GLT1D1: variants seen among roughly 807,000 people sequenced by gnomAD.
GLT1D1 encodes the protein glycosyltransferase 1 domain containing 1, also known as glycosyltransferase 1 domain-containing protein 1.
In GLT1D1, 21 loss-of-function variants were observed where a neutral mutation model predicts 28.7. The ratio of observed to expected loss-of-function variants is 0.73; its 90% CI spans 0.52 to 1.05. The LOEUF (loss-of-function observed/expected upper bound fraction) is 1.05, where lower values mean the gene tolerates loss of function less well. GLT1D1 is among the 50% of genes least tolerant of loss of function. The pLI is 0.00. For synonymous variants in GLT1D1, 147 were observed against 124.8 expected, an observed-to-expected ratio of 1.18 and a Z score of -1.19; for missense variants, 343 against 330.6, an observed-to-expected ratio of 1.04 and a Z score of -0.29.
chr12:128,898,564 A>C (rs1222690816), intron 3 of GLT1D1, among the ~76,000 whole-genome samples: 1 of 152,218 alleles, frequency 6.6e-6, no homozygotes, highest in Non-Finnish European at 1.5e-5. Context: ...ATTTCAATAG[A>C]AATCCACTTC....
chr12:128,899,934 A>C (rs1870061698), intron 4 of GLT1D1, among the ~76,000 whole-genome samples: 1 of 152,162 alleles, frequency 6.6e-6, no homozygotes, highest in Admixed American at 6.5e-5. Context: ...CATGAGAGTA[A>C]CAATCTCTTA....
intron 3 of GLT1D1, among the ~76,000 whole-genome samples, chr12:128,892,135 A>G (rs1057256098): frequency 6.6e-6 from 1 of 152,198 alleles, no homozygotes; most frequent in African/African-American, 2.4e-5. Flanking sequence ...AATCAGATAT[A>G]CATTTATCTC....
At chr12:128,889,422 G>A (rs1048603523) in intron 3 of GLT1D1, among the ~76,000 whole-genome samples, 2 of 152,204 alleles carry the variant, frequency 1.3e-5, no homozygotes, top group East Asian at 3.9e-4. Flanking sequence ...CTCTAAGTGG[G>A]GCTTCTTACA....
chr12:128,947,002 GA>G (rs1034973228), intron 5 of GLT1D1, among the ~76,000 whole-genome samples: 2 of 151,952 alleles, frequency 1.3e-5, no homozygotes, highest in African/African-American at 4.8e-5. Context: ...AGAATTATTT[GA>G]AAAAAAGTTG....
intron 4 of GLT1D1, among the ~76,000 whole-genome samples, chr12:128,905,344 C>T (rs1266784011): frequency 1.3e-5 from 2 of 152,192 alleles, no homozygotes; most frequent in African/African-American, 2.4e-5. Context: ...CCACGTGTGG[C>T]GAGGGCTGTT....
rs187887189 is a variant in GLT1D1 at position 128,908,806 on chromosome 12, G to T, written c.375+9519G>T. Among the ~76,000 whole-genome samples, 386 of 152,118 alleles carry T rather than the reference G, an allele frequency of 2.5e-3. 1 individual carries two copies. The highest frequency in any genetic ancestry group is 8.9e-3 in the African/African-American group (369 of 41,510). On this transcript the variant is annotated intron_variant, in intron 4 of 7. Transcript: ENST00000281703. ...CTACTAAAAATACAAAAAATTAGCC[G>T]GGCGTGGTGACGGGCGCCTGTAGTC...
chr12:128,923,236 G>A (rs10847718), intron 4 of GLT1D1, among the ~76,000 whole-genome samples: 44,978 of 152,090 alleles, frequency 0.3, 6,808 homozygotes, highest in Non-Finnish European at 0.33. Flanking sequence ...AATAATGGAC[G>A]AATGCCTGTG....
At chr12:128,862,660 G>A (rs1956410613) in intron 1 of GLT1D1, among the ~76,000 whole-genome samples, 1 of 152,154 alleles carries the variant, frequency 6.6e-6, no homozygotes, top group Non-Finnish European at 1.5e-5. Context: ...CAAAAAGAAA[G>A]TTGTTAATAT....
At chr12:128,974,589 T>C (rs1879587471) in intron 7 of GLT1D1, among the ~76,000 whole-genome samples, 1 of 152,208 alleles carries the variant, frequency 6.6e-6, no homozygotes, top group African/African-American at 2.4e-5. Context: ...CTCTTTTTCG[T>C]GAGTTTGGTG....
At chr12:128,965,854 C>G (rs891716282) in intron 7 of GLT1D1, among the ~76,000 whole-genome samples, 1 of 148,378 alleles carries the variant, frequency 6.7e-6, no homozygotes, top group Admixed American at 6.8e-5. Context: ...GAGATCTTGC[C>G]ACTGCACTCC....
chr12:128,905,129 G>T (rs1034536210), intron 4 of GLT1D1, among the ~76,000 whole-genome samples: 1 of 152,188 alleles, frequency 6.6e-6, no homozygotes, highest in Non-Finnish European at 1.5e-5. Context: ...TTTCCCAGAA[G>T]CTAAGGGTGC....
intron 7 of GLT1D1, among the ~76,000 whole-genome samples, chr12:128,980,741 G>A (rs1388110915): frequency 6.6e-6 from 1 of 152,218 alleles, no homozygotes; most frequent in Non-Finnish European, 1.5e-5. Flanking sequence ...GGCTTTTGAA[G>A]CTTTGTGTGG....
rs543907144 is a variant in GLT1D1, at chr12:128,916,016, A to G, written c.375+16729A>G. 9.1e-4 allele frequency among the ~76,000 whole-genome samples: 139 copies of G among 152,210 alleles called. 1 individual carries two copies. The highest frequency in any genetic ancestry group is 3.2e-3 in the African/African-American group (132 of 41,468). ...AGAAAGTTCTCTCATGCCCTCTTCC[A>G]TATTTAATTTCTGTCTCTTTATAGG... On this transcript the variant is annotated intron_variant, in intron 4 of 7. Transcript: ENST00000281703.
intron 1 of GLT1D1, among the ~76,000 whole-genome samples, chr12:128,870,291 A>T (rs1956649640): frequency 6.6e-6 from 1 of 152,146 alleles, no homozygotes; most frequent in South Asian, 2.1e-4. Flanking sequence ...AAAAAACAAA[A>T]CCAAAACACA....
At chr12:128,875,763 G>A in intron 1 of GLT1D1, 151 bp from the exon 2 acceptor site, 1 of 740,752 alleles carries the variant, frequency 1.3e-6, no homozygotes. Flanking sequence ...CTGCACCATT[G>A]CTCCCCAGCC....
At chr12:128,864,174 C>T (rs1196715563) in intron 1 of GLT1D1, 1 of 684,640 alleles carries the variant, frequency 1.5e-6, no homozygotes, top group African/African-American at 1.8e-5. Flanking sequence ...TGTCAGACGA[C>T]ACACTGTAAG....
intron 4 of GLT1D1, among the ~76,000 whole-genome samples, chr12:128,905,532 G>C (rs933191707): frequency 6.6e-6 from 1 of 152,210 alleles, no homozygotes; most frequent in Non-Finnish European, 1.5e-5. Flanking sequence ...GTTTATGATC[G>C]CCTACCTATC....
chr12:128,972,695 AAACT>A (rs967858287), intron 7 of GLT1D1, among the ~76,000 whole-genome samples: 42 of 152,212 alleles, frequency 2.8e-4, no homozygotes, highest in Admixed American at 6.5e-5. Context: ...CTAGATGAGC[AAACT>A]AGGCACAGAG....
intron 4 of GLT1D1, among the ~76,000 whole-genome samples, chr12:128,939,443 C>T (rs1422865978): frequency 3.3e-5 from 5 of 151,432 alleles, no homozygotes; most frequent in East Asian, 3.9e-4. Flanking sequence ...TAAGCTCAGC[C>T]GGGCACAGTG....
Sources: gnomAD v4.1 joint callset for allele counts (sites outside exome capture counted in the v4.1 genomes callset) on GRCh38, gnomAD v4.1.1 for gene constraint, MANE v1.5 for transcripts, NCBI Gene and HGNC (gene_info 2026-07-23, HGNC 2026-07-21) for gene names.